C6orf62: variants seen among roughly 807,000 people sequenced by gnomAD.
C6orf62 encodes uncharacterized protein C6orf62.
A neutral mutation model predicts 26.8 loss-of-function variants in C6orf62; 16 were observed. The observed-to-expected ratio is 0.60, with a 90% CI of 0.40 to 0.91. The LOEUF (loss-of-function observed/expected upper bound fraction) is 0.91. Among genes scored for constraint, C6orf62 ranks in the 40% least tolerant of loss-of-function variants. The pLI is 0.00. For synonymous variants in C6orf62, 112 were observed against 91.5 expected, an observed-to-expected ratio of 1.22 and a Z score of -1.28; for missense variants, 192 against 271.4, an observed-to-expected ratio of 0.71 and a Z score of 2.06.
rs1261278030 is a variant in C6orf62, at chr6:24,705,422, T to G, written c.*715A>C. On this transcript the variant is annotated 3_prime_UTR_variant, in exon 5 of 5. Transcript: ENST00000378119. ...TGTTTTATAGCTGCTTTATAGCTAC[T>G]TCAGACTCCAGATCTGCTTTAATGT... 2.0e-5 allele frequency: 3 copies of G among 152,662 alleles called. No homozygotes were observed. Among genetic ancestry groups the G allele is most frequent in the African/African-American group, 7.2e-5 (3 of 41,452 alleles). 9.5% of individuals were successfully genotyped at this position (152,662 alleles called of 1,614,324 possible).
chr6:24,720,011 A>T, upstream of C6orf62: 4 of 1,502,042 alleles, frequency 2.7e-6, no homozygotes, highest in Non-Finnish European at 3.6e-6. Context: ...CTTCTAAAGT[A>T]AGCCCACCCA....
chr6:24,719,966 TG>T (rs148109168), upstream of C6orf62: 7 of 1,547,068 alleles, frequency 4.5e-6, no homozygotes, highest in African/African-American at 5.5e-5. Flanking sequence ...GAAGGTTCAG[TG>T]GGGGAAAAAA....
chr6:24,709,586 A>T, intron 3 of C6orf62: 1 of 985,112 alleles, frequency 1.0e-6, no homozygotes, highest in South Asian at 4.7e-5. Flanking sequence ...CAACTGAAAT[A>T]TAGTTTTGCT....
In C6orf62 at chr6:24,713,732, T is replaced by C. The variant is rs563141745; in HGVS notation, c.429+586A>G. Among the ~76,000 whole-genome samples the C allele has an allele frequency of 2.6e-5, 4 of 152,304 alleles. No individual in the cohort carries two copies. The South Asian group carries it at 8.3e-4, about 32-fold the overall frequency. On this transcript the variant is annotated intron_variant, in intron 3 of 4. Transcript: ENST00000378119. ...AACACTTTGGTGGACCTCCATCTTC[T>C]ATGCATACAAATATACTGTAAATAA...
intron 2 of C6orf62, among the ~76,000 whole-genome samples, chr6:24,715,872 T>G (rs1358835521): frequency 8.3e-6 from 1 of 120,468 alleles, no homozygotes; most frequent in East Asian, 3.5e-4. Context: ...AAAAAAAAAG[T>G]CCGAGATCAT....
intron 2 of C6orf62, among the ~76,000 whole-genome samples, chr6:24,715,930 A>G (rs1253674226): frequency 3.3e-5 from 5 of 151,952 alleles, no homozygotes; most frequent in South Asian, 2.1e-4. Context: ...CTTCATCCAC[A>G]TAAGAATGGT....
chr6:24,708,702 A>G lies in C6orf62; in HGVS notation c.564+75T>C, dbSNP rs922495503. Reference sequence around the variant, plus strand: ...GTTTGGGGGACACAACAATTAAGTAACTTGTATATAAAACGTTTACTAACC... The same window carrying G: ...GTTTGGGGGACACAACAATTAAGTAGCTTGTATATAAAACGTTTACTAACC... On this transcript the variant is annotated intron_variant, in intron 4 of 4. Transcript: ENST00000378119. 1.9e-5 allele frequency: 29 copies of G among 1,565,366 alleles called. No homozygotes were observed. In the East Asian group the frequency reaches 3.6e-4, roughly 19 times the overall value.
chr6:24,719,909 T>A (rs563253898), upstream of C6orf62: 3 of 1,549,886 alleles, frequency 1.9e-6, no homozygotes, highest in African/African-American at 4.1e-5. Context: ...CATTTCATCG[T>A]GGAAACAATT....
chr6:24,711,593 A>G (rs549060527), intron 3 of C6orf62, among the ~76,000 whole-genome samples: 59 of 152,134 alleles, frequency 3.9e-4, no homozygotes, highest in Middle Eastern at 3.4e-3. Flanking sequence ...CTAGGAGTTC[A>G]AGACCAGCCT....
rs1778981377 is a variant in C6orf62 at position 24,705,092 on chromosome 6, A to G, written c.*1045T>C. 1 of 151,882 alleles carries G rather than the reference A, an allele frequency of 6.6e-6. No homozygotes were observed. The highest frequency in any genetic ancestry group is 6.6e-5 in the Admixed American group (1 of 15,210). 9.4% of individuals were successfully genotyped at this position (151,882 alleles called of 1,614,324 possible). A position where few individuals can be genotyped will look rare whatever the true frequency, so the allele number is the denominator to read the frequency against. ...AAAGGAGAAAAAAAAAAAAACCTAT[A>G]CAGTAGTCTTTCCTTATGTTCATTG... On this transcript the variant is annotated 3_prime_UTR_variant, in exon 5 of 5. Coordinates refer to ENST00000378119, the MANE Select transcript of C6orf62 (RefSeq NM_030939.5).
upstream of C6orf62, chr6:24,719,521 G>C: frequency 8.6e-7 from 1 of 1,157,362 alleles, no homozygotes. Flanking sequence ...TTCACCCTCA[G>C]GCGGCTGCTA....
intron 3 of C6orf62, among the ~76,000 whole-genome samples, chr6:24,714,066 A>G (rs960272259): frequency 6.6e-6 from 1 of 152,234 alleles, no homozygotes; most frequent in African/African-American, 2.4e-5. Flanking sequence ...ATAAATCAGT[A>G]AATGTCCACT....
intron 3 of C6orf62, chr6:24,710,523 C>G (rs1779099859): frequency 1.1e-6 from 1 of 907,142 alleles, no homozygotes; most frequent in Non-Finnish European, 1.3e-6. Context: ...CTTAGCCTCC[C>G]AAAGTGTTGG....
At chr6:24,718,181 T>C (rs1421302138) in intron 1 of C6orf62, among the ~76,000 whole-genome samples, 1 of 152,232 alleles carries the variant, frequency 6.6e-6, no homozygotes, top group Non-Finnish European at 1.5e-5. Flanking sequence ...AATTTCACAC[T>C]TTCAACCATC....
At chr6:24,718,423 A>G (rs1214482632) in intron 1 of C6orf62, 117 bp downstream of exon 1, 3 of 1,050,210 alleles carry the variant, frequency 2.9e-6, no homozygotes, top group Non-Finnish European at 4.1e-6. Context: ...GAGCATACAA[A>G]GCAGACTTTT....
intron 1 of C6orf62, 139 bp downstream of exon 1, chr6:24,718,401 G>A: frequency 2.5e-6 from 2 of 793,702 alleles, no homozygotes; most frequent in Non-Finnish European, 1.9e-6. Flanking sequence ...CACCCCTAAG[G>A]GTGAAAAAAC....
chr6:24,719,547 A>G, upstream of C6orf62: 2 of 1,198,274 alleles, frequency 1.7e-6, no homozygotes, highest in Non-Finnish European at 2.1e-6. Flanking sequence ...GCTGCCAAGG[A>G]GAATCATGAC....
intron 3 of C6orf62, among the ~76,000 whole-genome samples, chr6:24,713,744 T>C (rs1779171569): frequency 6.6e-6 from 1 of 152,202 alleles, no homozygotes; most frequent in African/African-American, 2.4e-5. Context: ...TGCATACAAA[T>C]ATACTGTAAA....
At chr6:24,719,945 A>C (rs1344510159), upstream of C6orf62, 2 of 1,550,042 alleles carry the variant, frequency 1.3e-6, no homozygotes, top group African/African-American at 2.7e-5. Flanking sequence ...TGGGCGGGAG[A>C]GGGTAAATGG....
Sources: allele counts gnomAD v4.1 joint callset (sites outside exome capture counted in the v4.1 genomes callset), GRCh38; gene constraint gnomAD v4.1.1; transcripts MANE v1.5; gene names NCBI Gene and HGNC (gene_info 2026-07-23, HGNC 2026-07-21).